The following KANSL1 variants were observed in gnomAD, a reference collection of about 807,000 sequenced individuals.
KANSL1 encodes the protein MLL1/MLL complex subunit KANSL1.
A neutral mutation model predicts 103.6 loss-of-function variants in KANSL1; 22 were observed. The observed-to-expected ratio is 0.21, with a 90% CI of 0.15 to 0.30. The LOEUF (loss-of-function observed/expected upper bound fraction) is 0.30. Among genes scored for constraint, KANSL1 ranks in the 10% least tolerant of loss-of-function variants. The pLI is 1.00. For missense variants in KANSL1, 1,337 were observed against 1,399.8 expected (o/e 0.96, Z 0.72); for synonymous variants, 600 against 527.6 (o/e 1.14, Z -1.88).
At chr17:46,198,020 A>C (rs1202432766), upstream of KANSL1, among the ~76,000 whole-genome samples, 2 of 152,250 alleles carry the variant, frequency 1.3e-5, no homozygotes, top group East Asian at 3.8e-4. Context: ...TCTAAAGCCT[A>C]GGCCATTTAG....
intron 3 of KANSL1, chr17:46,092,820 CAT>C (rs1001361879): frequency 1.5e-4 from 22 of 150,880 alleles, no homozygotes; most frequent in African/African-American, 4.4e-4. Context: ...ACTCTCCCCA[CAT>C]GTCAACAACT....
Position 46,171,446 on chromosome 17 carries a change from G to C in KANSL1, c.698C>G (p.Ser233Cys). Residue 233 changes from serine (S) to cysteine (C), a missense_variant, in exon 2 of 15, where the codon TCT becomes TGT. Physicochemically the swap from Ser to Cys is moderately radical, Grantham distance 112. Transcript: ENST00000432791. Reference protein sequence around the residue: ...YSNNSTANKSSVNSMEQPALQ... With the variant: ...YSNNSTANKSCVNSMEQPALQ... ...TGCCGGCTGTTCCATGGAATTGACA[G>C]AGGATTTGTTTGCAGTGCTATTATT... 6.2e-7 allele frequency: 1 copy of C among 1,614,118 alleles called. No individual in the cohort carries two copies. The highest frequency in any genetic ancestry group is 8.5e-7 in the Non-Finnish European group (1 of 1,180,010).
chr17:46,054,295 C>A (rs2077837503), intron 6 of KANSL1, among the ~76,000 whole-genome samples: 1 of 152,192 alleles, frequency 6.6e-6, no homozygotes, highest in African/African-American at 2.4e-5. Flanking sequence ...CTCAGATGAT[C>A]CACCCGTATC....
At chr17:46,083,859 C>T (rs1373257531) in intron 3 of KANSL1, among the ~76,000 whole-genome samples, 1 of 152,070 alleles carries the variant, frequency 6.6e-6, no homozygotes, top group African/African-American at 2.4e-5. Context: ...CTAGGCCATA[C>T]GACAGACTCT....
chr17:46,038,671 G>A lies in KANSL1; in HGVS notation c.2408C>T (p.Thr803Ile). The A allele has an allele frequency of 6.2e-7, 1 of 1,614,142 alleles. No individual in the cohort carries two copies. Among genetic ancestry groups the A allele is most frequent in the South Asian group, 1.1e-5 (1 of 91,082 alleles). Residue 803 changes from threonine to isoleucine, a missense_variant, in exon 10 of 15, where the codon ACA becomes ATA. Coordinates refer to ENST00000432791, the MANE Select transcript of KANSL1 (RefSeq NM_015443.4). ...CAAGTAGCTCGAACTGCTCATGTCT[G>A]TGTGATGCTTCAACACTGCAGAAGT... ...SERSEVLKHH[T>I]DMSSSSYLAA...
intron 9 of KANSL1, 69 bp from the exon 10 acceptor site, chr17:46,038,755 T>C: frequency 6.3e-7 from 1 of 1,589,826 alleles, no homozygotes; most frequent in Non-Finnish European, 8.6e-7. Context: ...AACACAAGCT[T>C]GGAATGGCAG....
chr17:46,041,229 A>C (rs1248290995), intron 7 of KANSL1: 1 of 152,228 alleles, frequency 6.6e-6, no homozygotes, highest in African/African-American at 2.4e-5. Flanking sequence ...ACATAAGTAC[A>C]TCATCTACAA....
intron 7 of KANSL1, among the ~76,000 whole-genome samples, chr17:46,046,586 C>G (rs9906540): frequency 5.6e-5 from 8 of 144,016 alleles, no homozygotes; most frequent in African/African-American, 1.8e-4. Context: ...GCTTGTAATC[C>G]CAGCACTTTG....
chr17:46,150,363 C>A (rs1414239774), intron 2 of KANSL1, among the ~76,000 whole-genome samples: 4 of 152,094 alleles, frequency 2.6e-5, no homozygotes, highest in Non-Finnish European at 5.9e-5. Context: ...CCCAGAAATT[C>A]TTCTTCAGCA....
intron 7 of KANSL1, among the ~76,000 whole-genome samples, chr17:46,049,123 T>C (rs1001264779): frequency 6.6e-6 from 1 of 151,986 alleles, no homozygotes; most frequent in African/African-American, 2.4e-5. Flanking sequence ...TCCTGAGTTA[T>C]CTCTATTTTA....
intron 5 of KANSL1, among the ~76,000 whole-genome samples, chr17:46,067,176 T>G (rs2146664294): frequency 6.6e-6 from 1 of 152,344 alleles, no homozygotes; most frequent in East Asian, 1.9e-4. Flanking sequence ...TCCCTGAATC[T>G]TTTGTTTTCT....
intron 3 of KANSL1, among the ~76,000 whole-genome samples, chr17:46,087,171 C>G (rs2146874955): frequency 6.6e-6 from 1 of 152,328 alleles, no homozygotes; most frequent in South Asian, 2.1e-4. Flanking sequence ...CTTCCACAAC[C>G]AGAAGAATGG....
At chr17:46,073,142 G>C (rs2078637464) in intron 4 of KANSL1, among the ~76,000 whole-genome samples, 1 of 152,206 alleles carries the variant, frequency 6.6e-6, no homozygotes, top group Non-Finnish European at 1.5e-5. Context: ...GAAAGGAAGA[G>C]TATTCCTACT....
chr17:46,194,080 C>G (rs2147946465), upstream of KANSL1, among the ~76,000 whole-genome samples: 1 of 152,340 alleles, frequency 6.6e-6, no homozygotes, highest in South Asian at 2.1e-4. Flanking sequence ...CACGTAGTCA[C>G]TGCGCAGGCC....
intron 1 of KANSL1, among the ~76,000 whole-genome samples, chr17:46,180,527 A>G (rs2147824612): frequency 6.6e-6 from 1 of 152,138 alleles, no homozygotes; most frequent in East Asian, 1.9e-4. Context: ...TAAAAATAAA[A>G]ATAAAAAATT....
At chr17:46,156,089 G>A (rs1316029280) in intron 2 of KANSL1, among the ~76,000 whole-genome samples, 1 of 152,186 alleles carries the variant, frequency 6.6e-6, no homozygotes, top group Non-Finnish European at 1.5e-5. Context: ...GCTCACACTT[G>A]TAATCCCAAC....
Position 46,171,187 on chromosome 17 carries a change from A to C in KANSL1, c.957T>G (p.His319Gln). ...QAKQVERHIQ[H>Q]QLGGFLEKTL... ...TCTTCTCCAAAAATCCACCCAGCTG[A>C]TGTTGTATATGCCTCTCAACCTGCT... The change falls in exon 2 of 15, where the codon CAT (histidine) becomes CAG (glutamine). Residue 319 changes from histidine (H) to glutamine (Q), a missense_variant. Around this residue, in one of 2 missense-constraint regions of KANSL1, gnomAD observed 557 missense variants for 476.4 expected, o/e 1.17. Transcript: ENST00000432791. 1.9e-6 allele frequency: 3 copies of C among 1,614,090 alleles called. No homozygotes were observed. The highest frequency in any genetic ancestry group is 2.5e-6 in the Non-Finnish European group (3 of 1,180,044).
intron 1 of KANSL1, among the ~76,000 whole-genome samples, chr17:46,173,916 A>G (rs1012236510): frequency 9.2e-5 from 14 of 152,242 alleles, no homozygotes; most frequent in African/African-American, 3.4e-4. Flanking sequence ...AGCACAGTAC[A>G]ACTGAGTTGC....
chr17:46,105,239 TTC>T (rs2042481302), intron 2 of KANSL1, among the ~76,000 whole-genome samples: 1 of 152,280 alleles, frequency 6.6e-6, no homozygotes, highest in African/African-American at 2.4e-5. Flanking sequence ...TGAATTAATT[TTC>T]TGTCTACTTT....
Sources: allele counts gnomAD v4.1 joint callset (sites outside exome capture counted in the v4.1 genomes callset), GRCh38; gene constraint gnomAD v4.1.1; regional missense constraint gnomAD v4.1.1; transcripts MANE v1.5; gene names NCBI Gene and HGNC (gene_info 2026-07-23, HGNC 2026-07-21).